HTR2C: variants seen among roughly 807,000 people sequenced by gnomAD.
HTR2C encodes the protein 5-hydroxytryptamine receptor 2C.
Under a neutral mutation model 21.0 loss-of-function variants are expected in HTR2C, and 5 were observed. That is an observed-to-expected ratio of 0.24 (90% CI 0.12 to 0.50). HTR2C has a LOEUF of 0.50. Ranked by LOEUF, HTR2C falls within the 20% of genes least tolerant of loss-of-function variation. The probability of loss-of-function intolerance (pLI) is 0.98; values close to 1 mark genes in which losing one functional copy is unlikely to be tolerated. For synonymous variants in HTR2C, 150 were observed against 145.3 expected (o/e 1.03, Z -0.23); for missense variants, 271 against 371.2 (o/e 0.73, Z 2.22).
At chrX:114,806,529 C>G (rs1254008465) in intron 4 of HTR2C, among the ~76,000 whole-genome samples, 1 of 90,255 alleles carries the variant, frequency 1.1e-5, no homozygotes, top group Non-Finnish European at 2.1e-5. Flanking sequence ...CATATATACA[C>G]CATATATATA....
chrX:114,646,331 G>C (rs782547075), intron 2 of HTR2C, among the ~76,000 whole-genome samples: 3 of 111,388 alleles, frequency 2.7e-5, no homozygotes, highest in African/African-American at 9.8e-5. Context: ...TTAATTTTAG[G>C]TTCAGACCTA....
At chrX:114,750,457 G>A (rs1038872889) in intron 4 of HTR2C, among the ~76,000 whole-genome samples, 1 of 112,173 alleles carries the variant, frequency 8.9e-6, no homozygotes, top group African/African-American at 3.2e-5. Context: ...TGTCAACACT[G>A]TCTAGAGGCA....
At chrX:114,630,473 GTTA>G (rs1408154218) in intron 2 of HTR2C, among the ~76,000 whole-genome samples, 2 of 111,815 alleles carry the variant, frequency 1.8e-5, no homozygotes, top group Non-Finnish European at 3.8e-5. Flanking sequence ...CTCTTTGCAA[GTTA>G]TTTCTTCCAA....
At chrX:114,784,167 T>A (rs1188649092) in intron 4 of HTR2C, among the ~76,000 whole-genome samples, 2 of 94,650 alleles carry the variant, frequency 2.1e-5, no homozygotes, top group Non-Finnish European at 2.1e-5. Context: ...GACAAACCAC[T>A]GACTAGATTG....
intron 1 of HTR2C, among the ~76,000 whole-genome samples, chrX:114,589,155 C>T (rs1927527183): frequency 1.8e-5 from 2 of 111,974 alleles, no homozygotes; most frequent in African/African-American, 6.5e-5. Flanking sequence ...AACAAATTTG[C>T]ATGTAAATGT....
At chrX:114,797,513 G>T (rs782790471) in intron 4 of HTR2C, among the ~76,000 whole-genome samples, 1 of 110,091 alleles carries the variant, frequency 9.1e-6, no homozygotes, top group Admixed American at 9.6e-5. Context: ...ATGCCACAGT[G>T]TATATAAACT....
intron 2 of HTR2C, among the ~76,000 whole-genome samples, chrX:114,649,673 T>G (rs782536390): frequency 1.8e-5 from 2 of 111,325 alleles, no homozygotes; most frequent in African/African-American, 6.5e-5. Context: ...TGGAGTGAAG[T>G]GGCGTGATCT....
chrX:114,906,794 C>T lies in HTR2C; in HGVS notation c.756C>T (p.His252=). 1 of 1,211,017 alleles carries T rather than the reference C, an allele frequency of 8.3e-7. No homozygotes were observed. The highest frequency in any genetic ancestry group is 1.1e-6 in the Non-Finnish European group (1 of 895,276). The change falls in exon 6 of 6, where the codon CAC becomes CAT. Residue 252 remains histidine, a synonymous_variant. Coordinates refer to ENST00000276198, the MANE Select transcript of HTR2C (RefSeq NM_000868.4). The part of the protein sequence containing the change: ...RRQALMLLHG[H]TEEPPGLSLD... ...AAGCTTTGATGTTACTGCACGGCCA[C>T]ACCGAGGAACCGCCTGGACTAAGTC... is the stretch of plus-strand genomic sequence containing the variant.
chrX:114,652,673 T>C (rs1930624774), intron 2 of HTR2C: 1 of 377,617 alleles, frequency 2.6e-6, no homozygotes, highest in African/African-American at 2.7e-5. Flanking sequence ...AATAAGTATT[T>C]GTTGAAAGAA....
chrX:114,584,938 A>G (rs1212269761), intron 1 of HTR2C, among the ~76,000 whole-genome samples: 2 of 97,109 alleles, frequency 2.1e-5, no homozygotes, highest in African/African-American at 7.7e-5. Context: ...GCGGGGGTCT[A>G]GAGAACCTGG....
intron 4 of HTR2C, among the ~76,000 whole-genome samples, chrX:114,833,209 C>T (rs1475009541): frequency 9.8e-6 from 1 of 102,082 alleles, no homozygotes; most frequent in Non-Finnish European, 2.0e-5. Context: ...ATGATGCTGG[C>T]CTCATAAAAT....
intron 4 of HTR2C, among the ~76,000 whole-genome samples, chrX:114,746,594 C>T (rs1255665011): frequency 9.0e-6 from 1 of 111,346 alleles, no homozygotes; most frequent in African/African-American, 3.3e-5. Context: ...TGGCTCAGGC[C>T]TGTAATCCCA....
intron 3 of HTR2C, among the ~76,000 whole-genome samples, chrX:114,729,475 A>G (rs973235878): frequency 8.9e-6 from 1 of 112,064 alleles, no homozygotes; most frequent in Non-Finnish European, 1.9e-5. Context: ...TTCAATAAAT[A>G]CAGTGACAGA....
At chrX:114,850,109 G>A (rs782190141) in intron 5 of HTR2C, among the ~76,000 whole-genome samples, 202 of 111,516 alleles carry the variant, frequency 1.8e-3, no homozygotes, top group African/African-American at 6.4e-3. Context: ...TGGAACTTAA[G>A]CATAATATGA....
intron 3 of HTR2C, among the ~76,000 whole-genome samples, chrX:114,729,653 C>G (rs782548856): frequency 2.7e-4 from 30 of 111,802 alleles, no homozygotes; most frequent in African/African-American, 9.7e-4. Flanking sequence ...GAAGAATTTA[C>G]TGATTACTTC....
intron 4 of HTR2C, among the ~76,000 whole-genome samples, chrX:114,803,674 C>G (rs1015981375): frequency 9.8e-6 from 1 of 102,483 alleles, no homozygotes; most frequent in Middle Eastern, 5.0e-3. Flanking sequence ...TTCTCCCATT[C>G]TGTAGGTTGC....
At chrX:114,796,187 T>C (rs2070291541) in intron 4 of HTR2C, among the ~76,000 whole-genome samples, 1 of 111,623 alleles carries the variant, frequency 9.0e-6, no homozygotes, top group Non-Finnish European at 1.9e-5. Context: ...GATTTGCTAA[T>C]TATTGCCACT....
Position 114,906,646 on chromosome X carries a change from A to G in HTR2C, c.608A>G (p.Asn203Ser), listed in dbSNP as rs2071375145. Residue 203 changes from asparagine (N) to serine (S), a missense_variant, in exon 6 of 6, where the codon AAC (asparagine) becomes AGC (serine). Asn to Ser is a conservative substitution (Grantham distance 46). Coordinates refer to ENST00000276198, the MANE Select transcript of HTR2C (RefSeq NM_000868.4). ...AGGGACGAAGAAAAGGTGTTCGTGA[A>G]CAACACGACGTGCGTGCTCAACGAC... ...GLRDEEKVFV[N>S]NTTCVLNDPN... The G allele has an allele frequency of 8.3e-7, 1 of 1,209,097 alleles. No individual in the cohort carries two copies. Among genetic ancestry groups the G allele is most frequent in the African/African-American group, 1.8e-5 (1 of 57,045 alleles).
chrX:114,876,422 C>CTTTTTTTTTTTTTTTTTTTTTTTT (rs60498146), intron 5 of HTR2C, among the ~76,000 whole-genome samples: 5 of 62,396 alleles, frequency 8.0e-5, no homozygotes, highest in African/African-American at 1.2e-4. Flanking sequence ...CTTTTTCTTT[C>CTTTTTTTTTTTTTTTTTTTTTTTT]TTTTTTTTTT....
Sources: allele counts gnomAD v4.1 joint callset (sites outside exome capture counted in the v4.1 genomes callset), GRCh38; gene constraint gnomAD v4.1.1; transcripts MANE v1.5; gene names NCBI Gene and HGNC (gene_info 2026-07-23, HGNC 2026-07-21).